CAMKMT: variants seen among roughly 807,000 people sequenced by gnomAD.
CAMKMT encodes CaM KMT.
A neutral mutation model predicts 48.0 loss-of-function variants in CAMKMT; 53 were observed. The observed-to-expected ratio is 1.10, with a 90% CI of 0.89 to 1.39. The LOEUF is 1.39. CAMKMT is among the 40% of genes most tolerant of loss of function. The pLI, the probability that CAMKMT is intolerant of heterozygous loss-of-function variation, is 0.00. For synonymous variants in CAMKMT, 165 were observed against 152.3 expected (o/e 1.08, Z -0.61); for missense variants, 428 against 402.7 (o/e 1.06, Z -0.54).
chr2:44,419,587 A>G (rs1255290218), intron 3 of CAMKMT, among the ~76,000 whole-genome samples: 1 of 152,116 alleles, frequency 6.6e-6, no homozygotes, highest in African/African-American at 2.4e-5. Context: ...TTTTAACCCA[A>G]TGTTGTTGTT....
At chr2:44,701,240 C>T (rs1329726653) in intron 3 of CAMKMT, among the ~76,000 whole-genome samples, 1 of 152,154 alleles carries the variant, frequency 6.6e-6, no homozygotes, top group East Asian at 1.9e-4. Flanking sequence ...TTTTACATTC[C>T]CACCAGCAGT....
At chr2:44,678,242 T>G (rs144208273) in intron 3 of CAMKMT, among the ~76,000 whole-genome samples, 10 of 152,224 alleles carry the variant, frequency 6.6e-5, no homozygotes, top group African/African-American at 2.4e-4. Flanking sequence ...CACTTCAGAT[T>G]AATTCTTTCC....
At chr2:44,757,262 C>T (rs1023144726) in intron 9 of CAMKMT, among the ~76,000 whole-genome samples, 11 of 152,148 alleles carry the variant, frequency 7.2e-5, no homozygotes, top group South Asian at 2.1e-4. Flanking sequence ...GCTCTGGAAC[C>T]GCCTCTTGCT....
chr2:44,633,366 A>G (rs759691261), intron 3 of CAMKMT, among the ~76,000 whole-genome samples: 4 of 152,190 alleles, frequency 2.6e-5, no homozygotes, highest in Non-Finnish European at 2.9e-5. Flanking sequence ...TTTCTGTGCC[A>G]TTTCTTTCCC....
intron 3 of CAMKMT, among the ~76,000 whole-genome samples, chr2:44,590,724 G>C (rs1337759448): frequency 6.6e-6 from 1 of 152,140 alleles, no homozygotes; most frequent in Non-Finnish European, 1.5e-5. Flanking sequence ...TCTGATGGTA[G>C]TTTCTTTTGC....
chr2:44,523,890 G>C lies in CAMKMT; in HGVS notation c.376+133585G>C, dbSNP rs939537256. Among the ~76,000 whole-genome samples the C allele has an allele frequency of 2.7e-5, 4 of 147,738 alleles. No homozygotes were observed. The Admixed American group carries it at 2.8e-4, about 10-fold the overall frequency. Reference sequence around the variant, plus strand: ...CCTCCCCGGTTCAAGTGATTCTCCTGCCTCAGCCTCTTGAGTAGCTGGAAT... The same window carrying C: ...CCTCCCCGGTTCAAGTGATTCTCCTCCCTCAGCCTCTTGAGTAGCTGGAAT... On this transcript the variant is annotated intron_variant, in intron 3 of 10. Coordinates refer to ENST00000378494, the MANE Select transcript of CAMKMT (RefSeq NM_024766.5).
chr2:44,377,717 A>G (rs1679840998), intron 2 of CAMKMT, among the ~76,000 whole-genome samples: 1 of 152,080 alleles, frequency 6.6e-6, no homozygotes, highest in Non-Finnish European at 1.5e-5. Flanking sequence ...GAAGGCTAGA[A>G]CTCTTGACTT....
intron 8 of CAMKMT, among the ~76,000 whole-genome samples, chr2:44,744,247 A>G (rs1243314450): frequency 1.3e-5 from 2 of 152,192 alleles, no homozygotes; most frequent in Admixed American, 1.3e-4. Flanking sequence ...TATACCTAAA[A>G]CAAAAATTAT....
At chr2:44,509,644 A>G (rs762141642) in intron 3 of CAMKMT, among the ~76,000 whole-genome samples, 2 of 152,156 alleles carry the variant, frequency 1.3e-5, no homozygotes, top group African/African-American at 2.4e-5. Flanking sequence ...TGTTGGAAAT[A>G]TGGTCCCTGG....
chr2:44,570,064 C>T (rs1327521032), intron 3 of CAMKMT, among the ~76,000 whole-genome samples: 3 of 152,004 alleles, frequency 2.0e-5, no homozygotes, highest in African/African-American at 7.3e-5. Flanking sequence ...AGATTATCCC[C>T]ATATCAGGTA....
intron 3 of CAMKMT, among the ~76,000 whole-genome samples, chr2:44,527,577 C>T (rs1666216865): frequency 6.6e-6 from 1 of 150,974 alleles, no homozygotes; most frequent in Non-Finnish European, 1.5e-5. Context: ...TAATATCCTA[C>T]AATATTTTAA....
At chr2:44,667,896 C>T (rs1304702652) in intron 3 of CAMKMT, among the ~76,000 whole-genome samples, 1 of 152,188 alleles carries the variant, frequency 6.6e-6, no homozygotes, top group Admixed American at 6.5e-5. Context: ...TTATCTTCTT[C>T]CCTATTTAGG....
chr2:44,689,796 G>A (rs960047913), intron 3 of CAMKMT, among the ~76,000 whole-genome samples: 1 of 152,162 alleles, frequency 6.6e-6, no homozygotes, highest in Non-Finnish European at 1.5e-5. Flanking sequence ...ATCAGGAGAT[G>A]TTCTTCTACC....
At chr2:44,640,011 C>T (rs1164793904) in intron 3 of CAMKMT, among the ~76,000 whole-genome samples, 1 of 152,148 alleles carries the variant, frequency 6.6e-6, no homozygotes, top group African/African-American at 2.4e-5. Context: ...TATCAAGTAC[C>T]CAGCAAATAC....
chr2:44,463,774 G>C (rs1667966667), intron 3 of CAMKMT, among the ~76,000 whole-genome samples: 1 of 152,324 alleles, frequency 6.6e-6, no homozygotes, highest in African/African-American at 2.4e-5. Flanking sequence ...CATGCAGAGA[G>C]TGAGAGAAGA....
intron 3 of CAMKMT, among the ~76,000 whole-genome samples, chr2:44,688,246 G>A (rs927793202): frequency 6.6e-6 from 1 of 152,146 alleles, no homozygotes; most frequent in African/African-American, 2.4e-5. Context: ...GACATTTGTA[G>A]ATGGCCCCAA....
chr2:44,536,365 C>A (rs1255327924), intron 3 of CAMKMT, among the ~76,000 whole-genome samples: 2 of 151,398 alleles, frequency 1.3e-5, no homozygotes, highest in African/African-American at 4.9e-5. Flanking sequence ...CACTCTGTTG[C>A]CCCGGCTGGA....
chr2:44,687,418 A>G (rs1477070268), intron 3 of CAMKMT, among the ~76,000 whole-genome samples: 1 of 152,204 alleles, frequency 6.6e-6, no homozygotes, highest in Non-Finnish European at 1.5e-5. Context: ...AGGATTCAGT[A>G]AATATTTGTT....
intron 3 of CAMKMT, among the ~76,000 whole-genome samples, chr2:44,460,380 C>G (rs890441686): frequency 5.3e-5 from 8 of 152,058 alleles, no homozygotes; most frequent in Admixed American, 3.3e-4. Flanking sequence ...TAGTAAGTGT[C>G]TTGGGGATAT....
Sources: gnomAD v4.1 joint callset for allele counts (sites outside exome capture counted in the v4.1 genomes callset) on GRCh38, gnomAD v4.1.1 for gene constraint, MANE v1.5 for transcripts, NCBI Gene and HGNC (gene_info 2026-07-23, HGNC 2026-07-21) for gene names.